ZNF280D: variants seen among roughly 807,000 people sequenced by gnomAD.
ZNF280D encodes the protein suppressor of hairy wing homolog 4.
Under a neutral mutation model 94.7 loss-of-function variants are expected in ZNF280D, and 39 were observed. The observed-to-expected ratio is 0.41, with a 90% CI of 0.32 to 0.54. ZNF280D has a LOEUF of 0.54. ZNF280D is among the 20% of genes least tolerant of loss of function. The probability of loss-of-function intolerance (pLI) is 0.22; values close to 1 mark genes in which losing one functional copy is unlikely to be tolerated. For missense variants in ZNF280D, 1,090 were observed against 1,149.3 expected (o/e 0.95, Z 0.75); for synonymous variants, 398 against 377.6 (o/e 1.05, Z -0.63).
intron 19 of ZNF280D, among the ~76,000 whole-genome samples, chr15:56,651,652 C>T (rs2053213309): frequency 6.6e-6 from 1 of 152,108 alleles, no homozygotes; most frequent in East Asian, 1.9e-4. Flanking sequence ...CCCCTACCTC[C>T]CCAAACCTCC....
At chr15:56,730,665 C>T (rs1037317635) in intron 1 of ZNF280D, 1 of 152,228 alleles carries the variant, frequency 6.6e-6, no homozygotes, top group Non-Finnish European at 1.5e-5. Context: ...TACTTTCTGC[C>T]TCCTCTCTCC....
intron 7 of ZNF280D, among the ~76,000 whole-genome samples, chr15:56,692,045 A>C (rs1238348143): frequency 6.6e-6 from 1 of 152,122 alleles, no homozygotes. Flanking sequence ...ACTTATACAG[A>C]AAGAATAGGA....
chr15:56,706,506 G>A (rs10450984), intron 3 of ZNF280D, among the ~76,000 whole-genome samples: 34 of 151,672 alleles, frequency 2.2e-4, no homozygotes, highest in African/African-American at 7.5e-4. Context: ...AACAAAAAAC[G>A]AGAAGATGGC....
intron 19 of ZNF280D, among the ~76,000 whole-genome samples, chr15:56,647,110 G>C (rs550891624): frequency 6.6e-6 from 1 of 152,280 alleles, no homozygotes; most frequent in South Asian, 2.1e-4. Flanking sequence ...ATGCTAATAG[G>C]AAAGTATGAC....
chr15:56,728,894 T>C (rs1213855733), intron 1 of ZNF280D, among the ~76,000 whole-genome samples: 1 of 152,182 alleles, frequency 6.6e-6, no homozygotes, highest in South Asian at 2.1e-4. Flanking sequence ...TAGACTAATA[T>C]AAATGTTCTG....
At chr15:56,716,402 AGAAG>A (rs1401616499) in intron 1 of ZNF280D, among the ~76,000 whole-genome samples, 2 of 151,972 alleles carry the variant, frequency 1.3e-5, no homozygotes, top group African/African-American at 2.4e-5. Context: ...GGCAAACAGG[AGAAG>A]GAAGGGAGGA....
At chr15:56,658,617 C>T in intron 16 of ZNF280D, 131 bp from the exon 17 acceptor site, 1 of 576,582 alleles carries the variant, frequency 1.7e-6, no homozygotes, top group Non-Finnish European at 3.0e-6. Flanking sequence ...TAAAATAATG[C>T]CTGTCACTTC....
At chr15:56,659,270 A>G (rs1397003789) in intron 16 of ZNF280D, among the ~76,000 whole-genome samples, 12 of 151,638 alleles carry the variant, frequency 7.9e-5, no homozygotes, top group African/African-American at 2.9e-4. Flanking sequence ...GTAGCCCATG[A>G]TAATAGCTTC....
chr15:56,700,517 T>G (rs2056999618), intron 6 of ZNF280D: 2 of 1,002,090 alleles, frequency 2.0e-6, no homozygotes, highest in South Asian at 8.8e-5. Flanking sequence ...AAAATGTTTG[T>G]TTTTTTTTAA....
intron 1 of ZNF280D, chr15:56,730,349 A>G (rs958164977): frequency 3.3e-5 from 5 of 152,352 alleles, no homozygotes; most frequent in Admixed American, 3.3e-4. Flanking sequence ...AGTATTCCTC[A>G]TCTTCCAAAA....
At chr15:56,650,845 A>G (rs2053166204) in intron 19 of ZNF280D, among the ~76,000 whole-genome samples, 1 of 152,128 alleles carries the variant, frequency 6.6e-6, no homozygotes, top group Admixed American at 6.6e-5. Context: ...AGAAAAGAAC[A>G]ATTTCATGAC....
intron 16 of ZNF280D, among the ~76,000 whole-genome samples, chr15:56,661,024 A>C (rs2053908186): frequency 6.6e-6 from 1 of 152,162 alleles, no homozygotes; most frequent in South Asian, 2.1e-4. Context: ...TGCCCAAAAA[A>C]TATTTGCTAA....
At chr15:56,711,703 CTG>C (rs1192984700) in intron 1 of ZNF280D, among the ~76,000 whole-genome samples, 2 of 152,246 alleles carry the variant, frequency 1.3e-5, no homozygotes, top group Non-Finnish European at 1.5e-5. Flanking sequence ...TTCTGTTATA[CTG>C]GAATTTACGT....
chr15:56,638,816 C>T (rs769680268), intron 20 of ZNF280D, among the ~76,000 whole-genome samples: 136 of 151,986 alleles, frequency 8.9e-4, no homozygotes, highest in Non-Finnish European at 1.6e-3. Flanking sequence ...TAAATAGTAT[C>T]CGCAGGAGTT....
chr15:56,689,346 T>C lies in ZNF280D; in HGVS notation c.624A>G (p.Ser208=). 1 of 1,609,502 alleles carries C rather than the reference T, an allele frequency of 6.2e-7. No individual in the cohort carries two copies. Among genetic ancestry groups the C allele is most frequent in the Non-Finnish European group, 8.5e-7 (1 of 1,178,316 alleles). ...AAGAAGTCACTGAAGGAGATTTAAC[T>C]GAAGGTAATACAGCTGAGGAATTTG... The part of the protein sequence containing the change: ...SGANSSAVLP[S]VKSPSVTSSQ... The change falls in exon 8 of 22, where the codon TCA becomes TCG. Residue 208 remains serine (S), a synonymous_variant. Coordinates refer to ENST00000267807, the MANE Select transcript of ZNF280D (RefSeq NM_017661.4).
chr15:56,671,845 T>C (rs1463018901), intron 13 of ZNF280D, among the ~76,000 whole-genome samples: 1 of 150,874 alleles, frequency 6.6e-6, no homozygotes, highest in African/African-American at 2.4e-5. Flanking sequence ...TCATCTCTGA[T>C]TTCTCTGAGC....
In ZNF280D at chr15:56,665,703, C is replaced by CAAAAAAAAA. The variant is rs71113013; in HGVS notation, c.1994+683_1994+691dup. On this transcript the variant is annotated intron_variant, in intron 16 of 21. Transcript: ENST00000267807. ...TGGGCGACACAGCGAGACTCCGTCT[C>CAAAAAAAAA]AAAAAAAAAAAAAAAAAAGGAGGAT... Among the ~76,000 whole-genome samples, 339 of 85,900 alleles carry CAAAAAAAAA rather than the reference C, an allele frequency of 3.9e-3. 9 individuals carry two copies. The highest frequency in any genetic ancestry group is 8.3e-3 in the South Asian group (19 of 2,280). 56.4% of individuals were successfully genotyped at this position (85,900 alleles called of 152,430 possible). A position where few individuals can be genotyped will look rare whatever the true frequency, so the allele number is the denominator to read the frequency against.
rs140592824 is a variant in ZNF280D, at chr15:56,673,622, G to A, written c.1410+3048C>T. On this transcript the variant is annotated intron_variant, in intron 13 of 21. Transcript: ENST00000267807. ...CTTTTTATATGCTTAAAAATGTCTA[G>A]TGCCTTTCCAAAGTCTTGGCTGTGG... 1.6e-3 allele frequency among the ~76,000 whole-genome samples: 240 copies of A among 151,984 alleles called. 1 individual carries two copies. Among genetic ancestry groups the A allele is most frequent in the Non-Finnish European group, 3.1e-3 (212 of 67,924 alleles).
At position 56,682,484 on chromosome 15, in the gene ZNF280D, GAGA is replaced by G; in HGVS notation, c.781-10_781-8del. The G allele has an allele frequency of 7.5e-6, 3 of 400,652 alleles. No homozygotes were observed. The highest frequency in any genetic ancestry group is 7.2e-6 in the Non-Finnish European group (2 of 279,250). 24.8% of individuals were successfully genotyped at this position (400,652 alleles called of 1,614,324 possible). A position where few individuals can be genotyped will look rare whatever the true frequency, so the allele number is the denominator to read the frequency against. On this transcript the variant is annotated splice_region_variant and splice_polypyrimidine_tract_variant and intron_variant, in intron 9 of 21. Coordinates refer to ENST00000267807, the MANE Select transcript of ZNF280D (RefSeq NM_017661.4). ...TCATGTCTGGACAACAATACTGAAA[GAGA>G]AAAAAAAAAAAAAAAAACAAGCCTT...
Sources: gnomAD v4.1 joint callset for allele counts (sites outside exome capture counted in the v4.1 genomes callset) on GRCh38, gnomAD v4.1.1 for gene constraint, MANE v1.5 for transcripts, NCBI Gene and HGNC (gene_info 2026-07-23, HGNC 2026-07-21) for gene names.